The following RCBTB2 variants were observed in gnomAD, a reference collection of about 807,000 sequenced individuals.
RCBTB2 encodes the protein RCC1 and BTB domain-containing protein 2.
RCBTB2 carries 55 observed loss-of-function variants against 65.4 expected under a neutral mutation model. That is an observed-to-expected ratio of 0.84 (90% CI 0.68 to 1.05). The LOEUF (loss-of-function observed/expected upper bound fraction) is 1.05. RCBTB2 is among the 50% of genes least tolerant of loss of function. The probability of loss-of-function intolerance (pLI) is 0.00; values close to 1 mark genes in which losing one functional copy is unlikely to be tolerated. For synonymous variants in RCBTB2, 220 were observed against 255.2 expected, an observed-to-expected ratio of 0.86 and a Z score of 1.31; for missense variants, 599 against 680.1, an observed-to-expected ratio of 0.88 and a Z score of 1.33.
chr13:48,516,096 CAGAG>C (rs10567858), intron 4 of RCBTB2, among the ~76,000 whole-genome samples: 66,933 of 149,440 alleles, frequency 0.45, 19,273 homozygotes, highest in African/African-American at 0.84. Flanking sequence ...GCAAGAGAGA[CAGAG>C]AGAGAGAGAG....
At chr13:48,506,543 T>A (rs749181464) in intron 10 of RCBTB2, among the ~76,000 whole-genome samples, 1 of 151,998 alleles carries the variant, frequency 6.6e-6, no homozygotes, top group Non-Finnish European at 1.5e-5. Flanking sequence ...GAGCGGAAGG[T>A]GGCCCAGGGG....
chr13:48,510,157 T>C (rs1235680492), intron 10 of RCBTB2, among the ~76,000 whole-genome samples: 1 of 152,230 alleles, frequency 6.6e-6, no homozygotes, highest in Non-Finnish European at 1.5e-5. Flanking sequence ...AGTGACAGCT[T>C]GGGAGTTAAA....
intron 13 of RCBTB2, 148 bp from the exon 14 acceptor site, chr13:48,496,469 C>A: frequency 1.4e-6 from 1 of 713,544 alleles, no homozygotes; most frequent in East Asian, 3.3e-5. Flanking sequence ...CTGACACTTA[C>A]ACTTCAGTGT....
upstream of RCBTB2, chr13:48,533,319 C>G (rs985896583): frequency 3.3e-6 from 1 of 302,532 alleles, no homozygotes; most frequent in South Asian, 2.5e-5. Flanking sequence ...CCCATTGGGG[C>G]CGCCTCCGCT....
At chr13:48,506,765 A>C (rs897429213) in intron 10 of RCBTB2, among the ~76,000 whole-genome samples, 12 of 152,222 alleles carry the variant, frequency 7.9e-5, no homozygotes, top group African/African-American at 2.9e-4. Flanking sequence ...TGTGAAGATA[A>C]GCATTTATGA....
intron 10 of RCBTB2, chr13:48,504,134 C>T: frequency 2.0e-6 from 2 of 979,062 alleles, no homozygotes; most frequent in Non-Finnish European, 2.4e-6. Flanking sequence ...CCCTCAGCCA[C>T]CACTGGGGGG....
upstream of RCBTB2, among the ~76,000 whole-genome samples, chr13:48,534,312 G>T (rs1388736042): frequency 6.6e-6 from 1 of 152,208 alleles, no homozygotes; most frequent in Non-Finnish European, 1.5e-5. Context: ...GCTCACTTCA[G>T]TGATGATAGC....
chr13:48,530,263 T>G (rs1367569986), intron 1 of RCBTB2, among the ~76,000 whole-genome samples: 1 of 152,176 alleles, frequency 6.6e-6, no homozygotes, highest in African/African-American at 2.4e-5. Context: ...GCATTTAAAT[T>G]TTACTTTAAC....
chr13:48,511,347 A>G (rs1950784340), intron 9 of RCBTB2, among the ~76,000 whole-genome samples: 1 of 152,212 alleles, frequency 6.6e-6, no homozygotes, highest in Non-Finnish European at 1.5e-5. Context: ...TTATCTAATC[A>G]TTAACTTACG....
chr13:48,491,121 T>C (rs537153429), intron 14 of RCBTB2, among the ~76,000 whole-genome samples: 4 of 152,146 alleles, frequency 2.6e-5, no homozygotes, highest in Non-Finnish European at 5.9e-5. Context: ...TCCAAGCTAC[T>C]GTAGGTAATT....
At chr13:48,526,859 T>C (rs1438578016) in intron 1 of RCBTB2, among the ~76,000 whole-genome samples, 1 of 152,090 alleles carries the variant, frequency 6.6e-6, no homozygotes, top group South Asian at 2.1e-4. Flanking sequence ...GAGGTTACAG[T>C]GATCCAAGAT....
intron 4 of RCBTB2, among the ~76,000 whole-genome samples, chr13:48,518,390 G>A (rs1951212235): frequency 1.3e-5 from 2 of 148,500 alleles, no homozygotes; most frequent in African/African-American, 5.0e-5. Context: ...ACCAACAGTT[G>A]GTTCTCCCAT....
intron 10 of RCBTB2, chr13:48,504,318 A>G (rs1566278429): frequency 1.0e-6 from 1 of 985,286 alleles, no homozygotes; most frequent in Non-Finnish European, 1.2e-6. Context: ...ATCCTGACAC[A>G]AGACATAACT....
At chr13:48,510,494 T>G (rs1302471032) in intron 10 of RCBTB2, 135 bp downstream of exon 10, 15 of 1,104,926 alleles carry the variant, frequency 1.4e-5, no homozygotes, top group Non-Finnish European at 1.8e-5. Context: ...CCAATTTTTC[T>G]AAAGGAATAA....
At chr13:48,500,692 G>A (rs1950195445) in intron 12 of RCBTB2, among the ~76,000 whole-genome samples, 1 of 152,200 alleles carries the variant, frequency 6.6e-6, no homozygotes. Context: ...AGCTAGGAAA[G>A]AGGCAGGAAC....
intron 12 of RCBTB2, among the ~76,000 whole-genome samples, chr13:48,500,798 G>A (rs375015612): frequency 1.2e-3 from 188 of 152,204 alleles, no homozygotes; most frequent in African/African-American, 4.1e-3. Context: ...TAAGCCACCC[G>A]GGCCATAGTA....
intron 14 of RCBTB2, 134 bp from the exon 15 acceptor site, chr13:48,490,385 AAT>A (rs1184569206): frequency 1.5e-6 from 1 of 677,444 alleles, no homozygotes; most frequent in East Asian, 2.7e-5. Context: ...ATGGCATGGT[AAT>A]ACCTAAAGAA....
At chr13:48,497,842 T>C (rs1005050366) in intron 13 of RCBTB2, among the ~76,000 whole-genome samples, 2 of 152,246 alleles carry the variant, frequency 1.3e-5, no homozygotes, top group African/African-American at 4.8e-5. Flanking sequence ...TCTTGAGTTG[T>C]GAATGGCTTC....
chr13:48,529,785 G>A (rs1952003472), intron 1 of RCBTB2, among the ~76,000 whole-genome samples: 1 of 151,742 alleles, frequency 6.6e-6, no homozygotes, highest in East Asian at 1.9e-4. Context: ...TCTCCAAGTA[G>A]AACTCTCTTT....
Sources: gnomAD v4.1 joint callset for allele counts (sites outside exome capture counted in the v4.1 genomes callset) on GRCh38, gnomAD v4.1.1 for gene constraint, MANE v1.5 for transcripts, NCBI Gene and HGNC (gene_info 2026-07-23, HGNC 2026-07-21) for gene names.